CDH18: variants seen among roughly 807,000 people sequenced by gnomAD.
CDH18 encodes the protein cadherin 18.
In CDH18, 31 loss-of-function variants were observed where a neutral mutation model predicts 67.9. The ratio of observed to expected loss-of-function variants is 0.46; its 90% CI spans 0.34 to 0.62. The LOEUF (loss-of-function observed/expected upper bound fraction) is 0.62, where lower values mean the gene tolerates loss of function less well. Among genes scored for constraint, CDH18 ranks in the 20% least tolerant of loss-of-function variants. The probability of loss-of-function intolerance (pLI) is 0.01; values close to 1 mark genes in which losing one functional copy is unlikely to be tolerated. For missense variants in CDH18, 890 were observed against 975.5 expected, an observed-to-expected ratio of 0.91 and a Z score of 1.17; for synonymous variants, 362 against 347.2, an observed-to-expected ratio of 1.04 and a Z score of -0.48.
intron 2 of CDH18, among the ~76,000 whole-genome samples, chr5:20,126,722 C>T (rs1315172033): frequency 6.6e-6 from 1 of 152,016 alleles, no homozygotes; most frequent in Non-Finnish European, 1.5e-5. Flanking sequence ...GATGATTTAA[C>T]ATCACTAGTC....
At chr5:19,509,432 C>A (rs1316086253) in intron 10 of CDH18, among the ~76,000 whole-genome samples, 1 of 152,032 alleles carries the variant, frequency 6.6e-6, no homozygotes, top group Non-Finnish European at 1.5e-5. Context: ...TGTAACCTCT[C>A]GATCTAAAAT....
chr5:20,065,806 C>A (rs1336186045), intron 2 of CDH18, among the ~76,000 whole-genome samples: 2 of 151,854 alleles, frequency 1.3e-5, no homozygotes, highest in Non-Finnish European at 2.9e-5. Context: ...GTCATAAAGT[C>A]AAAAAATCCT....
chr5:19,512,659 T>C (rs1745299221), intron 10 of CDH18, among the ~76,000 whole-genome samples: 1 of 152,204 alleles, frequency 6.6e-6, no homozygotes, highest in South Asian at 2.1e-4. Flanking sequence ...TCAAAAATTC[T>C]ACCTGCGTAT....
intron 1 of CDH18, among the ~76,000 whole-genome samples, chr5:20,568,170 T>C (rs1380695943): frequency 6.6e-6 from 1 of 152,164 alleles, no homozygotes; most frequent in African/African-American, 2.4e-5. Context: ...AAGCCTTCTC[T>C]AAGGTTCTAG....
intron 2 of CDH18, among the ~76,000 whole-genome samples, chr5:19,921,906 C>T (rs1282951297): frequency 1.3e-5 from 2 of 150,482 alleles, no homozygotes; most frequent in Non-Finnish European, 2.9e-5. Flanking sequence ...AAGGCTAACT[C>T]GATGATTTTT....
chr5:19,880,814 C>G (rs1787561919), intron 2 of CDH18, among the ~76,000 whole-genome samples: 2 of 152,108 alleles, frequency 1.3e-5, no homozygotes, highest in South Asian at 2.1e-4. Flanking sequence ...TAGAGAAACA[C>G]TAAAAATCTC....
intron 2 of CDH18, among the ~76,000 whole-genome samples, chr5:20,027,177 GTATGATTAAACTTTTTACA>G (rs1220809612): frequency 1.9e-4 from 29 of 151,906 alleles, no homozygotes; most frequent in African/African-American, 4.4e-4. Context: ...AACACTTTAT[GTATGATTAAACTTTTTACA>G]TATGATTAAA....
chr5:20,387,967 G>T (rs566668548), intron 1 of CDH18, among the ~76,000 whole-genome samples: 76 of 152,166 alleles, frequency 5.0e-4, no homozygotes, highest in African/African-American at 1.7e-3. Flanking sequence ...GATTCGGTTT[G>T]CCAGTATTTT....
chr5:19,789,943 A>G (rs1394730464), intron 3 of CDH18, among the ~76,000 whole-genome samples: 1 of 152,016 alleles, frequency 6.6e-6, no homozygotes, highest in Non-Finnish European at 1.5e-5. Flanking sequence ...AATAATATAT[A>G]CAGTTTTATA....
At chr5:20,375,329 T>C (rs868075792) in intron 1 of CDH18, among the ~76,000 whole-genome samples, 4 of 152,322 alleles carry the variant, frequency 2.6e-5, no homozygotes, top group Middle Eastern at 6.8e-3. Context: ...ATTGTAAGAA[T>C]TGATCATATG....
intron 2 of CDH18, among the ~76,000 whole-genome samples, chr5:20,124,927 G>A (rs1748690321): frequency 6.6e-6 from 1 of 152,086 alleles, no homozygotes. Context: ...AATTATATTT[G>A]TAATGGTCCT....
chr5:19,510,568 A>C (rs1744950852), intron 10 of CDH18, among the ~76,000 whole-genome samples: 1 of 152,178 alleles, frequency 6.6e-6, no homozygotes, highest in Non-Finnish European at 1.5e-5. Flanking sequence ...CCACATAATC[A>C]ACTTACAAAA....
At chr5:20,461,206 G>T (rs1034091066) in intron 1 of CDH18, among the ~76,000 whole-genome samples, 1 of 152,138 alleles carries the variant, frequency 6.6e-6, no homozygotes, top group African/African-American at 2.4e-5. Flanking sequence ...TGAGCGTCCT[G>T]CTTGGGAGCT....
intron 1 of CDH18, among the ~76,000 whole-genome samples, chr5:20,423,946 CAAA>C (rs553723574): frequency 3.1e-5 from 2 of 63,826 alleles, no homozygotes; most frequent in African/African-American, 1.8e-4. Flanking sequence ...GACTCCGTCT[CAAA>C]AAAAAAAAAA....
At chr5:20,110,223 T>C (rs1477114884) in intron 2 of CDH18, among the ~76,000 whole-genome samples, 1 of 152,220 alleles carries the variant, frequency 6.6e-6, no homozygotes, top group Non-Finnish European at 1.5e-5. Context: ...CAAAAATTAG[T>C]GCTTGTATAT....
intron 5 of CDH18, among the ~76,000 whole-genome samples, chr5:19,625,892 G>A (rs1751464578): frequency 6.6e-6 from 1 of 152,086 alleles, no homozygotes; most frequent in South Asian, 2.1e-4. Context: ...CAAGGACTCA[G>A]GCCTTGAAGA....
At chr5:19,587,732 C>T (rs191208077) in intron 7 of CDH18, among the ~76,000 whole-genome samples, 2 of 151,792 alleles carry the variant, frequency 1.3e-5, no homozygotes, top group East Asian at 3.9e-4. Context: ...TAGCATAATG[C>T]CTCCAGATTT....
At chr5:19,578,420 A>C (rs907605068) in intron 7 of CDH18, among the ~76,000 whole-genome samples, 1 of 151,714 alleles carries the variant, frequency 6.6e-6, no homozygotes, top group African/African-American at 2.4e-5. Flanking sequence ...GCTTTTAGCA[A>C]CCTTCCCTCG....
chr5:20,155,663 A>G (rs958389005), intron 2 of CDH18, among the ~76,000 whole-genome samples: 2 of 152,130 alleles, frequency 1.3e-5, no homozygotes, highest in Non-Finnish European at 2.9e-5. Context: ...CAATATACAA[A>G]AGATATTTTC....
Sources: allele counts gnomAD v4.1 joint callset (sites outside exome capture counted in the v4.1 genomes callset), GRCh38; gene constraint gnomAD v4.1.1; transcripts MANE v1.5; gene names NCBI Gene and HGNC (gene_info 2026-07-23, HGNC 2026-07-21).